The following NOMO3 variants were observed in gnomAD, a reference collection of about 807,000 sequenced individuals.
NOMO3 encodes the protein BOS complex subunit NOMO3.
A neutral mutation model predicts 69.9 loss-of-function variants in NOMO3; 15 were observed. The ratio of observed to expected loss-of-function variants is 0.21; its 90% CI spans 0.14 to 0.33. NOMO3 has a LOEUF of 0.33. NOMO3 is among the 10% of genes least tolerant of loss of function. NOMO3 has a pLI of 1.00. For synonymous variants in NOMO3, 89 were observed against 301.9 expected, an observed-to-expected ratio of 0.29 and a Z score of 7.31; for missense variants, 218 against 761.0, an observed-to-expected ratio of 0.29 and a Z score of 8.39.
intron 6 of NOMO3, among the ~76,000 whole-genome samples, chr16:16,249,773 T>C (rs551947648): frequency 7.0e-6 from 1 of 143,740 alleles, no homozygotes. Flanking sequence ...GGGGTGTTAG[T>C]GACCGGAAGC....
In NOMO3 at chr16:16,235,937, C is replaced by T. The variant is rs2049323066; in HGVS notation, c.166-964C>T. 3 of 411,410 alleles carry T rather than the reference C, an allele frequency of 7.3e-6. 1 individual carries two copies. Among genetic ancestry groups the T allele is most frequent in the East Asian group, 1.7e-4 (2 of 11,860 alleles). The allele number at this position is 411,410 out of a possible 1,614,324, so 25.5% of individuals were successfully genotyped here. A position where few individuals can be genotyped will look rare whatever the true frequency, so the allele number is the denominator to read the frequency against. ...TGAAGAAACCGAACACGAGCTTGCCCAAGGCCACGCAACACGTGGAAGACT... is the reference window on the plus strand; with the variant it reads ...TGAAGAAACCGAACACGAGCTTGCCTAAGGCCACGCAACACGTGGAAGACT... On this transcript the variant is annotated intron_variant, in intron 1 of 30. Transcript: ENST00000399336.
rs1178611198 is a variant in NOMO3 at position 16,232,823 on chromosome 16, CTCA to C, written c.160_162del (p.Ile54del). ...GTCGGACGTGGAGATCAACTACTCTCTCATCGAGGTGAGCGCCCGCCCCGCCGC... is the reference window on the plus strand; with the variant it reads ...GTCGGACGTGGAGATCAACTACTCTCTCGAGGTGAGCGCCCGCCCCGCCGC... On this transcript the variant is annotated inframe_deletion, in exon 1 of 31. Coordinates refer to ENST00000399336, the MANE Select transcript of NOMO3 (RefSeq NM_001004067.4). The C allele has an allele frequency of 2.3e-6, 1 of 437,508 alleles. No homozygotes were observed. The highest frequency in any genetic ancestry group is 4.3e-5 in the African/African-American group (1 of 23,492). The allele number at this position is 437,508 out of a possible 1,614,324, so 27.1% of individuals were successfully genotyped here.
chr16:16,263,000 G>A, intron 12 of NOMO3, 74 bp from the exon 13 acceptor site: 20 of 1,569,100 alleles, frequency 1.3e-5, no homozygotes, highest in Non-Finnish European at 1.7e-5. Context: ...CCAGATGAAT[G>A]TTCTAGCGCC....
chr16:16,237,399 T>C (rs2049335445), intron 2 of NOMO3, among the ~76,000 whole-genome samples: 1 of 144,802 alleles, frequency 6.9e-6, no homozygotes, highest in Admixed American at 6.7e-5. Context: ...AAAAAAATTG[T>C]ACAAGTAATA....
chr16:16,244,121 G>A (rs1385962119), intron 4 of NOMO3, among the ~76,000 whole-genome samples: 1 of 142,786 alleles, frequency 7.0e-6, no homozygotes, highest in Non-Finnish European at 1.5e-5. Context: ...CTGTGCCTGC[G>A]GTTGAGATGT....
chr16:16,237,225 T>A lies in NOMO3; in HGVS notation c.255+235T>A, dbSNP rs1333957647. ...GCAATGTCTAGAGACGTTTTTGTTG[T>A]GACATCTGTGGCTGTGCGCTACAGT... On this transcript the variant is annotated intron_variant, in intron 2 of 30. Coordinates refer to ENST00000399336, the MANE Select transcript of NOMO3 (RefSeq NM_001004067.4). Among the ~76,000 whole-genome samples the A allele has an allele frequency of 2.8e-5, 4 of 144,810 alleles. 2 individuals carry two copies. The highest frequency in any genetic ancestry group is 4.4e-4 in the East Asian group (2 of 4,514).
chr16:16,237,671 C>T lies in NOMO3; in HGVS notation c.255+681C>T, dbSNP rs1313953112. ...TCAAGCCATTTTCCTTCCTCAGCCT[C>T]CTGAATAGCTGGGATTACAGGCATC... On this transcript the variant is annotated intron_variant, in intron 2 of 30. Coordinates refer to ENST00000399336, the MANE Select transcript of NOMO3 (RefSeq NM_001004067.4). Among the ~76,000 whole-genome samples the T allele has an allele frequency of 3.5e-5, 5 of 143,412 alleles. 2 individuals carry two copies. The highest frequency in any genetic ancestry group is 5.7e-5 in the African/African-American group (2 of 35,284). The allele number at this position is 143,412 out of a possible 152,430, so 94.1% of individuals were successfully genotyped here. A position where few individuals can be genotyped will look rare whatever the true frequency, so the allele number is the denominator to read the frequency against.
At chr16:16,265,345 C>T in intron 15 of NOMO3, 166 bp downstream of exon 15, 2 of 1,226,662 alleles carry the variant, frequency 1.6e-6, no homozygotes, top group Admixed American at 2.3e-5. Context: ...AGCATTTATA[C>T]TCTCTCAGTG....
intron 4 of NOMO3, among the ~76,000 whole-genome samples, chr16:16,244,511 CTTTTTT>C (rs1203597061): frequency 3.8e-5 from 2 of 52,484 alleles, no homozygotes; most frequent in Non-Finnish European, 6.9e-5. Flanking sequence ...TGTACATTTA[CTTTTTT>C]TTTTTTTTTT....
intron 3 of NOMO3, among the ~76,000 whole-genome samples, chr16:16,242,126 ATGTT>A (rs1385008149): frequency 2.4e-5 from 3 of 125,590 alleles, no homozygotes; most frequent in Non-Finnish European, 4.8e-5. Context: ...TCGTATGTTT[ATGTT>A]TGTTTGCCAT....
chr16:16,244,977 G>A, intron 4 of NOMO3, 91 bp from the exon 5 acceptor site: 1 of 445,068 alleles, frequency 2.2e-6, no homozygotes, highest in East Asian at 4.5e-5. Flanking sequence ...GAGGGTTCCT[G>A]GGCTCCACCT....
intron 3 of NOMO3, among the ~76,000 whole-genome samples, chr16:16,241,410 T>C (rs2049372660): frequency 7.0e-6 from 1 of 143,134 alleles, no homozygotes; most frequent in African/African-American, 2.8e-5. Flanking sequence ...AATACTTATA[T>C]TTTATTTTAT....
At chr16:16,234,815 C>T (rs1263671020) in intron 1 of NOMO3, among the ~76,000 whole-genome samples, 1 of 149,660 alleles carries the variant, frequency 6.7e-6, no homozygotes, top group South Asian at 2.1e-4. Context: ...AGGGACCTTA[C>T]TGTTAAAAAA....
At position 16,268,905 on chromosome 16, in the gene NOMO3, T is replaced by G. The variant is rs1457671721; in HGVS notation, c.1895-1216T>G. Among the ~76,000 whole-genome samples the G allele has an allele frequency of 1.4e-5, 2 of 143,104 alleles. 1 individual carries two copies. Among genetic ancestry groups the G allele is most frequent in the African/African-American group, 5.8e-5 (2 of 34,546 alleles). The allele number at this position is 143,104 out of a possible 152,430, so 93.9% of individuals were successfully genotyped here. On this transcript the variant is annotated intron_variant, in intron 16 of 30. Coordinates refer to ENST00000399336, the MANE Select transcript of NOMO3 (RefSeq NM_001004067.4). The stretch of plus-strand genomic sequence containing the variant: ...CCCCTCCTCCAGTAAGCTACTTGTC[T>G]GTATTATTGGCCAGAACCGTGCCAC...
intron 11 of NOMO3, among the ~76,000 whole-genome samples, chr16:16,257,801 T>C (rs1204911532): frequency 7.0e-6 from 1 of 143,670 alleles, no homozygotes; most frequent in Admixed American, 6.8e-5. Flanking sequence ...TGTAGACAGA[T>C]GGAGGTCAAG....
At chr16:16,266,708 G>A in intron 15 of NOMO3, 1 of 480,004 alleles carries the variant, frequency 2.1e-6, no homozygotes, top group Non-Finnish European at 3.7e-6. Context: ...CTTCGTTACT[G>A]ACCAGTTGAG....
chr16:16,270,256 A>G, intron 17 of NOMO3, 72 bp downstream of exon 17: 1 of 1,582,038 alleles, frequency 6.3e-7, no homozygotes, highest in Non-Finnish European at 8.5e-7. Flanking sequence ...TACTTCAGAG[A>G]ACAAAAGGAG....
intron 1 of NOMO3, chr16:16,236,108 A>G (rs1467051175): frequency 6.0e-6 from 1 of 166,402 alleles, no homozygotes; most frequent in East Asian, 1.9e-4. Context: ...AGTAATGAGA[A>G]AATTAAGTTT....
In NOMO3 at chr16:16,256,131, C is replaced by T. The variant is rs375717639; in HGVS notation, c.1193C>T (p.Pro398Leu). 311 of 1,587,788 alleles carry T rather than the reference C, an allele frequency of 2.0e-4. 14 individuals are homozygous for T. The Middle Eastern group carries it at 6.8e-3, about 35-fold the overall frequency. Residue 398 changes from proline (P) to leucine (L), a missense_variant, in exon 11 of 31, where the codon CCT (proline) becomes CTT (leucine). Coordinates refer to ENST00000399336, the MANE Select transcript of NOMO3 (RefSeq NM_001004067.4). ...ACCATCAAAATTGCACCAAACACAC[C>T]TCAGCTGGCTGACATTGTTGCAACA... Reference protein sequence around the residue: ...TVTIKIAPNTPQLADIVATGF... With the variant: ...TVTIKIAPNTLQLADIVATGF...
Sources: gnomAD v4.1 joint callset for allele counts (sites outside exome capture counted in the v4.1 genomes callset) on GRCh38, gnomAD v4.1.1 for gene constraint, MANE v1.5 for transcripts, NCBI Gene and HGNC (gene_info 2026-07-23, HGNC 2026-07-21) for gene names.